The following ANKAR variants were observed in gnomAD, a reference collection of about 807,000 sequenced individuals.
ANKAR encodes ankyrin and armadillo repeat containing, also known as ankyrin and armadillo repeat-containing protein.
Under a neutral mutation model 146.2 loss-of-function variants are expected in ANKAR, and 136 were observed. The ratio of observed to expected loss-of-function variants is 0.93; its 90% CI spans 0.81 to 1.07. The LOEUF (loss-of-function observed/expected upper bound fraction) is 1.07. Ranked by LOEUF, ANKAR falls within the 50% of genes least tolerant of loss-of-function variation. The pLI is 0.00. For synonymous variants in ANKAR, 500 were observed against 575.8 expected (o/e 0.87, Z 1.88); for missense variants, 1,567 against 1,679.9 (o/e 0.93, Z 1.18).
At chr2:189,723,461 T>C (rs2041532384) in intron 12 of ANKAR, among the ~76,000 whole-genome samples, 1 of 152,102 alleles carries the variant, frequency 6.6e-6, no homozygotes, top group African/African-American at 2.4e-5. Flanking sequence ...AACTCAAATA[T>C]GTAACAAAAG....
chr2:189,696,070 A>T, intron 6 of ANKAR, 80 bp from the exon 7 acceptor site: 1 of 1,243,330 alleles, frequency 8.0e-7, no homozygotes, highest in Non-Finnish European at 1.1e-6. Context: ...TGATTCTGTT[A>T]ATACACTTCA....
chr2:189,742,344 T>A (rs180744174), intron 20 of ANKAR, among the ~76,000 whole-genome samples: 15 of 152,274 alleles, frequency 9.9e-5, no homozygotes, highest in Non-Finnish European at 1.8e-4. Flanking sequence ...GTTCATTCTA[T>A]GAAACTTTTT....
chr2:189,675,251 C>G (rs1339517948), intron 1 of ANKAR, among the ~76,000 whole-genome samples: 1 of 152,016 alleles, frequency 6.6e-6, no homozygotes, highest in Non-Finnish European at 1.5e-5. Flanking sequence ...TAAATCAAAC[C>G]ATTATATAGT....
At chr2:189,758,401 G>A (rs866051674) in intron 18 of ANKAR, among the ~76,000 whole-genome samples, 9 of 151,764 alleles carry the variant, frequency 5.9e-5, no homozygotes, top group Middle Eastern at 3.4e-3. Flanking sequence ...AAAAAAGTGT[G>A]TAGCACCTCA....
intron 18 of ANKAR, chr2:189,761,040 A>G (rs1380988385): frequency 6.4e-6 from 1 of 156,402 alleles, no homozygotes; most frequent in Non-Finnish European, 1.4e-5. Flanking sequence ...TTATTTAAGT[A>G]CTAATACAAG....
chr2:189,676,684 T>G lies in ANKAR; in HGVS notation c.194T>G (p.Val65Gly). 1 of 1,614,216 alleles carries G rather than the reference T, an allele frequency of 6.2e-7. No individual in the cohort carries two copies. The highest frequency in any genetic ancestry group is 8.5e-7 in the Non-Finnish European group (1 of 1,180,050). Residue 65 changes from valine (V) to glycine (G), a missense_variant, in exon 2 of 23, where the codon GTA becomes GGA. Val to Gly is a moderately radical substitution (Grantham distance 109, BLOSUM62 -3). Coordinates refer to ENST00000684021, the MANE Select transcript of ANKAR (RefSeq NM_001378068.1). ...GCCAAAGAGGATGTGCGCTCTCAAG[T>G]AGACCTCCCATGTGGAATTATGAGT... The part of the protein sequence containing the change: ...LSAKEDVRSQ[V>G]DLPCGIMSQM...
At position 189,696,206 on chromosome 2, in the gene ANKAR, C is replaced by T. The variant is rs2037179584; in HGVS notation, c.1545C>T (p.His515=). The stretch of plus-strand genomic sequence containing the variant: ...AAAGAGGGTTGTCTGCAGTTTTCCA[C>T]ACATTTAGCCGTAAAACCTCAAGCT... ...AVERGLSAVF[H]TFSRKTSSST... is the part of the protein sequence containing the mutation. The change falls in exon 7 of 23, where the codon CAC becomes CAT. Residue 515 remains histidine (H), a synonymous_variant. Transcript: ENST00000684021. The T allele has an allele frequency of 1.2e-6, 2 of 1,614,052 alleles. No individual in the cohort carries two copies. Among genetic ancestry groups the T allele is most frequent in the East Asian group, 4.5e-5 (2 of 44,866 alleles).
chr2:189,732,659 T>TA lies in ANKAR; in HGVS notation c.3301-423dup, dbSNP rs10707585. Among the ~76,000 whole-genome samples the TA allele has an allele frequency of 2.5e-3, 125 of 50,372 alleles. 4 individuals carry two copies. Among genetic ancestry groups the TA allele is most frequent in the African/African-American group, 8.0e-3 (106 of 13,310 alleles). The allele number at this position is 50,372 out of a possible 152,430, so 33.0% of individuals were successfully genotyped here. A position where few individuals can be genotyped will look rare whatever the true frequency, so the allele number is the denominator to read the frequency against. On this transcript the variant is annotated intron_variant, in intron 16 of 22. Transcript: ENST00000684021. ...CTGGGCAACAGAGCAAGACTCCATC[T>TA]AAAAAAAAAAAAAAAAAAAAAAAAA...
rs374330017 is a variant in ANKAR at position 189,743,420 on chromosome 2, C to G, written c.3956C>G (p.Ala1319Gly). 1.2e-6 allele frequency: 2 copies of G among 1,613,938 alleles called. No individual in the cohort carries two copies. Among genetic ancestry groups the G allele is most frequent in the Admixed American group, 3.3e-5 (2 of 60,010 alleles). ...NISRDASINP[A>G]FLKEFQMQQT... ...AGCAGAGATGCAAGTATTAACCCAG[C>G]ATTTTTAAAGGAATTTCAAATGCAA... The change falls in exon 21 of 23, where the codon GCA becomes GGA. Residue 1319 changes from alanine to glycine, a missense_variant. Physicochemically the swap from Ala to Gly is moderately conservative, Grantham distance 60. Transcript: ENST00000684021.
At chr2:189,712,582 C>T (rs2039857934) in intron 10 of ANKAR, among the ~76,000 whole-genome samples, 1 of 151,794 alleles carries the variant, frequency 6.6e-6, no homozygotes, top group Non-Finnish European at 1.5e-5. Context: ...TCAACATCAA[C>T]AAAAAGGACA....
chr2:189,741,592 CTG>C, intron 20 of ANKAR, 141 bp downstream of exon 20: 1 of 496,462 alleles, frequency 2.0e-6, no homozygotes. Flanking sequence ...AATTACATGA[CTG>C]TGTTATATAT....
intron 7 of ANKAR, among the ~76,000 whole-genome samples, chr2:189,698,062 T>C (rs934956748): frequency 6.6e-6 from 1 of 152,136 alleles, no homozygotes; most frequent in Non-Finnish European, 1.5e-5. Flanking sequence ...TACTTCTATG[T>C]GCATTCCCTT....
chr2:189,705,305 G>C, intron 8 of ANKAR, 81 bp downstream of exon 8: 2 of 1,417,428 alleles, frequency 1.4e-6, no homozygotes, highest in Non-Finnish European at 9.7e-7. Flanking sequence ...AAATTAAATA[G>C]AATATAAATT....
intron 12 of ANKAR, among the ~76,000 whole-genome samples, chr2:189,725,451 C>T (rs2041776396): frequency 6.6e-6 from 1 of 151,924 alleles, no homozygotes; most frequent in South Asian, 2.1e-4. Flanking sequence ...GGGGCAGGGG[C>T]AGAGAAGGTA....
At chr2:189,756,922 T>A (rs1172280959) in intron 18 of ANKAR, among the ~76,000 whole-genome samples, 1 of 152,204 alleles carries the variant, frequency 6.6e-6, no homozygotes, top group Non-Finnish European at 1.5e-5. Flanking sequence ...CAAATCCAAA[T>A]TCTCTCCCTG....
At chr2:189,675,541 T>C (rs144646702) in intron 1 of ANKAR, among the ~76,000 whole-genome samples, 5,770 of 152,022 alleles carry the variant, frequency 0.038, 159 homozygotes, top group African/African-American at 0.068. Flanking sequence ...AGAGACGGAG[T>C]TTCTCCATGT....
chr2:189,746,233 C>A (rs909520129), intron 22 of ANKAR, 147 bp from the exon 23 acceptor site: 2 of 917,494 alleles, frequency 2.2e-6, no homozygotes, highest in Non-Finnish European at 3.1e-6. Context: ...AAATTTTTGG[C>A]CCCTGACATC....
In ANKAR at chr2:189,731,737, G is replaced by A. The variant is rs142294284; in HGVS notation, c.3300+1136G>A. Among the ~76,000 whole-genome samples, 708 of 152,084 alleles carry A rather than the reference G, an allele frequency of 4.7e-3. 21 individuals are homozygous for A. The highest frequency in any genetic ancestry group is 0.037 in the Admixed American group (569 of 15,246). On this transcript the variant is annotated intron_variant, in intron 16 of 22. Transcript: ENST00000684021. The stretch of plus-strand genomic sequence containing the variant: ...AAATATTGAGATGGGGTCTCTCACT[G>A]TCAGCCAGGCTAGAGTGCAGTAGTG...
chr2:189,738,756 T>G, intron 19 of ANKAR, 74 bp downstream of exon 19: 2 of 884,376 alleles, frequency 2.3e-6, no homozygotes, highest in Non-Finnish European at 3.5e-6. Flanking sequence ...ATCTGAATAA[T>G]AATAAAATAA....
Sources: allele counts gnomAD v4.1 joint callset (sites outside exome capture counted in the v4.1 genomes callset), GRCh38; gene constraint gnomAD v4.1.1; transcripts MANE v1.5; gene names NCBI Gene and HGNC (gene_info 2026-07-23, HGNC 2026-07-21).